Variants in BRD4 observed in about 807,000 individuals in gnomAD.
BRD4 encodes the protein bromodomain containing 4, also known as bromodomain-containing protein 4.
Under a neutral mutation model 142.1 loss-of-function variants are expected in BRD4, and 16 were observed. The ratio of observed to expected loss-of-function variants is 0.11; its 90% CI spans 0.08 to 0.17. The LOEUF (loss-of-function observed/expected upper bound fraction) is 0.17. BRD4 is among the 10% of genes least tolerant of loss of function. The pLI, the probability that BRD4 is intolerant of heterozygous loss-of-function variation, is 1.00. For missense variants in BRD4, 1,424 were observed against 1,810.9 expected, an observed-to-expected ratio of 0.79 and a Z score of 3.88; for synonymous variants, 833 against 707.5, an observed-to-expected ratio of 1.18 and a Z score of -2.82.
intron 1 of BRD4, among the ~76,000 whole-genome samples, chr19:15,305,891 T>C (rs557941442): frequency 6.6e-6 from 1 of 152,386 alleles, no homozygotes; most frequent in East Asian, 1.9e-4. Context: ...TGCTACAGTT[T>C]TTCCATCAGC....
At chr19:15,323,784 G>A (rs1285803522) in intron 1 of BRD4, among the ~76,000 whole-genome samples, 1 of 152,166 alleles carries the variant, frequency 6.6e-6, no homozygotes, top group Admixed American at 6.5e-5. Flanking sequence ...ACCAAGACAA[G>A]GAAGGTGACC....
chr19:15,273,101 C>A lies in BRD4; in HGVS notation c.-2G>T, dbSNP rs1430134020. Reference sequence around the variant, plus strand: ...CCCAGGGCCGCTCTCCGCAGACATGCTAGTGATCCCATCACATTCTTCACC... The same window carrying A: ...CCCAGGGCCGCTCTCCGCAGACATGATAGTGATCCCATCACATTCTTCACC... On this transcript the variant is annotated 5_prime_UTR_variant, in exon 2 of 20. Transcript: ENST00000679869. 6.3e-7 allele frequency: 1 copy of A among 1,579,172 alleles called. No individual in the cohort carries two copies. The highest frequency in any genetic ancestry group is 8.6e-7 in the Non-Finnish European group (1 of 1,160,666).
At chr19:15,265,730 T>A in intron 4 of BRD4, 87 bp from the exon 5 acceptor site, 2 of 1,384,338 alleles carry the variant, frequency 1.4e-6, no homozygotes, top group South Asian at 2.3e-5. Context: ...CCACACACAG[T>A]GAACGCACAT....
Position 15,243,197 on chromosome 19 carries a change from G to T in BRD4, c.2872C>A (p.Leu958Met). 1 of 1,153,040 alleles carries T rather than the reference G, an allele frequency of 8.7e-7. No individual in the cohort carries two copies. The highest frequency in any genetic ancestry group is 2.7e-5 in the East Asian group (1 of 36,612). The allele number at this position is 1,153,040 out of a possible 1,614,324, so 71.4% of individuals were successfully genotyped here. A position where few individuals can be genotyped will look rare whatever the true frequency, so the allele number is the denominator to read the frequency against. Residue 958 changes from leucine to methionine, a missense_variant, in exon 14 of 20, where the codon CTG becomes ATG. Leu to Met is a conservative substitution (Grantham distance 15). Coordinates refer to ENST00000679869, the MANE Select transcript of BRD4 (RefSeq NM_001379291.1). ...VKVQSQPPPP[L>M]PPPPHPSVQQ... is the part of the protein sequence containing the mutation. ...ACAGAGGGGTGGGGTGGGGGCGGCA[G>T]GGGGGGTGGGGGCTGGGACTGCACC...
intron 1 of BRD4, among the ~76,000 whole-genome samples, chr19:15,318,280 T>C (rs373877376): frequency 1.1e-3 from 171 of 152,102 alleles, no homozygotes; most frequent in African/African-American, 3.8e-3. Context: ...CTTCAAACTA[T>C]AGAGATTGGG....
intron 1 of BRD4, among the ~76,000 whole-genome samples, chr19:15,273,629 G>C (rs1157542503): frequency 1.3e-5 from 2 of 152,200 alleles, no homozygotes; most frequent in Non-Finnish European, 2.9e-5. Flanking sequence ...GCAAGGAGAA[G>C]CAGGAAGGCT....
intron 1 of BRD4, among the ~76,000 whole-genome samples, chr19:15,312,675 T>A (rs547884734): frequency 1.6e-4 from 24 of 149,732 alleles, no homozygotes; most frequent in South Asian, 4.2e-4. Context: ...GTGGCTCACA[T>A]CTGCAATCCT....
chr19:15,289,456 C>T (rs1443855464), intron 1 of BRD4, among the ~76,000 whole-genome samples: 1 of 152,152 alleles, frequency 6.6e-6, no homozygotes, highest in East Asian at 1.9e-4. Flanking sequence ...GAGGCTGAGG[C>T]ATGAGAATCA....
intron 2 of BRD4, among the ~76,000 whole-genome samples, chr19:15,269,697 C>G (rs2047567608): frequency 1.3e-5 from 2 of 152,144 alleles, no homozygotes; most frequent in South Asian, 4.2e-4. Flanking sequence ...ATCTGGACAG[C>G]CTTCACAATC....
At chr19:15,278,605 G>A (rs1599481997) in intron 1 of BRD4, among the ~76,000 whole-genome samples, 1 of 137,904 alleles carries the variant, frequency 7.3e-6, no homozygotes, top group African/African-American at 2.7e-5. Flanking sequence ...ATATATTCCT[G>A]TTTTTTTTTT....
At position 15,238,889 on chromosome 19, in the gene BRD4, C is replaced by T. The variant is rs2047214940; in HGVS notation, c.3874G>A (p.Glu1292Lys). ...RQEQQQQQRQ[E>K]QQQQQQQQAA... ...TGCTGTTGCTGCTGCTGCTGTTGCT[C>T]CTGGCGCTGCTGCTGCTGCTGCTCC... The change falls in exon 19 of 20, where the codon GAG becomes AAG. Residue 1292 changes from glutamate to lysine, a missense_variant. Glu to Lys is a moderately conservative substitution (Grantham distance 56). This residue lies in a region of BRD4 where 109 missense variants were observed against 117.9 expected (regional missense o/e 0.92). Coordinates refer to ENST00000679869, the MANE Select transcript of BRD4 (RefSeq NM_001379291.1). The surrounding 1 kb of genome is among the most constrained non-coding windows in gnomAD (Gnocchi z 7.2). The T allele has an allele frequency of 6.3e-7, 1 of 1,596,652 alleles. No homozygotes were observed. The highest frequency in any genetic ancestry group is 1.7e-5 in the Admixed American group (1 of 58,060).
chr19:15,245,651 G>A (rs1191613010), intron 11 of BRD4, among the ~76,000 whole-genome samples: 1 of 152,194 alleles, frequency 6.6e-6, no homozygotes, highest in Non-Finnish European at 1.5e-5. Flanking sequence ...TTGCCAGTTG[G>A]ATGTCCCCTC....
chr19:15,330,412 T>C (rs538108803), intron 1 of BRD4, among the ~76,000 whole-genome samples: 49 of 152,236 alleles, frequency 3.2e-4, no homozygotes, highest in African/African-American at 1.2e-3. Context: ...GCATCAGTGA[T>C]AAGATAAAAA....
chr19:15,293,043 A>T (rs2047796529), intron 1 of BRD4, among the ~76,000 whole-genome samples: 1 of 152,036 alleles, frequency 6.6e-6, no homozygotes, highest in South Asian at 2.1e-4. Context: ...TCTCCACAAC[A>T]GCCGACTACT....
intron 1 of BRD4, among the ~76,000 whole-genome samples, chr19:15,298,863 T>TCTCA (rs1471427177): frequency 6.6e-6 from 1 of 151,900 alleles, no homozygotes; most frequent in Middle Eastern, 3.2e-3. Flanking sequence ...AGAAAACAGG[T>TCTCA]CTCACACTAA....
At chr19:15,251,047 G>C (rs892178525) in intron 11 of BRD4, among the ~76,000 whole-genome samples, 3 of 152,196 alleles carry the variant, frequency 2.0e-5, no homozygotes, top group Admixed American at 6.5e-5. Flanking sequence ...GCAATAGCTG[G>C]AATCAGAGGA....
At chr19:15,253,868 C>T in intron 11 of BRD4, 1 of 1,206,850 alleles carries the variant, frequency 8.3e-7, no homozygotes, top group East Asian at 2.5e-5. Context: ...CGCCCACCAT[C>T]CAGGGCTCCG....
At position 15,244,507 on chromosome 19, in the gene BRD4, G is replaced by A; in HGVS notation, c.2305C>T (p.Pro769Ser). Residue 769 changes from proline to serine, a missense_variant, in exon 13 of 20, where the codon CCT becomes TCT. This residue lies in a region of BRD4 where 598 missense variants were observed against 647.8 expected (regional missense o/e 0.92). Transcript: ENST00000679869. ...PPPQQPPPPP[P>S]PQQQQQPPPP... ...GGCGGCTGCTGTTGCTGCTGCGGAG[G>A]TGGAGGCGGTGGGGGCTGCTGGGGA... 1.3e-6 allele frequency: 2 copies of A among 1,543,038 alleles called. No individual in the cohort carries two copies. The highest frequency in any genetic ancestry group is 2.0e-5 in the Admixed American group (1 of 51,048).
chr19:15,307,138 G>A (rs1243171027), intron 1 of BRD4, among the ~76,000 whole-genome samples: 1 of 152,132 alleles, frequency 6.6e-6, no homozygotes, highest in Non-Finnish European at 1.5e-5. Context: ...GACTGAACTG[G>A]TCAGGCCAAG....
Sources: gnomAD v4.1 joint callset for allele counts (sites outside exome capture counted in the v4.1 genomes callset) on GRCh38, gnomAD v4.1.1 for gene constraint, gnomAD v4.1.1 regional missense constraint, Gnocchi (gnomAD v3.1) non-coding constraint, MANE v1.5 for transcripts, NCBI Gene and HGNC (gene_info 2026-07-23, HGNC 2026-07-21) for gene names.